Variants in KCNMB2 observed in about 807,000 individuals in gnomAD.
The protein encoded by KCNMB2 is potassium calcium-activated channel subfamily M regulatory beta subunit 2.
A neutral mutation model predicts 24.5 loss-of-function variants in KCNMB2; 9 were observed. That is an observed-to-expected ratio of 0.37 (90% CI 0.22 to 0.64). The LOEUF (loss-of-function observed/expected upper bound fraction) is 0.64. Among genes scored for constraint, KCNMB2 ranks in the 30% least tolerant of loss-of-function variants. The probability of loss-of-function intolerance (pLI) is 0.63; values close to 1 mark genes in which losing one functional copy is unlikely to be tolerated. For synonymous variants in KCNMB2, 109 were observed against 104.4 expected (o/e 1.04, Z -0.27); for missense variants, 226 against 284.3 (o/e 0.79, Z 1.47).
At chr3:178,816,612 A>G (rs1249304162) in intron 2 of KCNMB2, among the ~76,000 whole-genome samples, 1 of 152,104 alleles carries the variant, frequency 6.6e-6, no homozygotes, top group Non-Finnish European at 1.5e-5. Context: ...TTGAAACTAT[A>G]TATTTCTATC....
chr3:178,786,361 A>T (rs1713098260), intron 1 of KCNMB2, among the ~76,000 whole-genome samples: 1 of 152,270 alleles, frequency 6.6e-6, no homozygotes, highest in East Asian at 1.9e-4. Flanking sequence ...ATTAATCATT[A>T]GCTCCCCTTT....
At chr3:178,811,950 G>T (rs904119523) in intron 2 of KCNMB2, among the ~76,000 whole-genome samples, 19 of 152,106 alleles carry the variant, frequency 1.2e-4, no homozygotes, top group African/African-American at 4.6e-4. Flanking sequence ...TTTCTGAGTT[G>T]ACTGTTTAAA....
rs1345433736 is a variant in KCNMB2 at position 178,758,564 on chromosome 3, A to G, written c.-67-48779A>G. On this transcript the variant is annotated intron_variant, in intron 1 of 4. Coordinates refer to ENST00000452583, the MANE Select transcript of KCNMB2 (RefSeq NM_181361.3). ...TATATATATATATCCAAGAGGAGAT[A>G]TATATATATATATATATATATCCAA... Among the ~76,000 whole-genome samples the G allele has an allele frequency of 1.3e-4, 7 of 55,980 alleles. 1 individual carries two copies. In the East Asian group the frequency reaches 3.9e-3, roughly 31 times the overall value. The allele number at this position is 55,980 out of a possible 152,430, so 36.7% of individuals were successfully genotyped here.
chr3:178,675,940 T>A (rs1721056931), intron 1 of KCNMB2, among the ~76,000 whole-genome samples: 1 of 152,180 alleles, frequency 6.6e-6, no homozygotes, highest in Non-Finnish European at 1.5e-5. Context: ...TTTATCAACA[T>A]TATCTCATAA....
chr3:178,758,709 G>GATAT (rs1227255505), intron 1 of KCNMB2, among the ~76,000 whole-genome samples: 15 of 1,402 alleles, frequency 0.011, 1 homozygote, highest in Admixed American at 0.021. Context: ...TACAAGAGGA[G>GATAT]ATATATATAT....
At chr3:178,742,978 T>C (rs1723544338) in intron 1 of KCNMB2, among the ~76,000 whole-genome samples, 1 of 152,140 alleles carries the variant, frequency 6.6e-6, no homozygotes, top group South Asian at 2.1e-4. Context: ...TTGAATGATT[T>C]TTTGAGTCTG....
chr3:178,824,470 C>A (rs2108466752), intron 2 of KCNMB2: 1 of 152,736 alleles, frequency 6.5e-6, no homozygotes, highest in Non-Finnish European at 1.5e-5. Context: ...CAGGTTCACG[C>A]CATTCTCTTG....
At chr3:178,576,467 G>A (rs560460183) in intron 1 of KCNMB2, among the ~76,000 whole-genome samples, 1 of 152,168 alleles carries the variant, frequency 6.6e-6, no homozygotes, top group South Asian at 2.1e-4. Context: ...ATACCCCAGT[G>A]GTGCCTGGAA....
chr3:178,732,350 T>C (rs758021698), intron 1 of KCNMB2, among the ~76,000 whole-genome samples: 2 of 152,210 alleles, frequency 1.3e-5, no homozygotes, highest in Non-Finnish European at 2.9e-5. Flanking sequence ...AAATCAACAC[T>C]TGAAGAACTT....
chr3:178,649,141 G>C (rs191481157), intron 1 of KCNMB2, among the ~76,000 whole-genome samples: 34 of 152,096 alleles, frequency 2.2e-4, no homozygotes, highest in Admixed American at 4.6e-4. Context: ...TAAGTAACTT[G>C]TCTTAGTTTT....
rs1711606135 is a variant in KCNMB2 at position 178,759,489 on chromosome 3, CTCCAAGAGGATATATATATA to C, written c.-67-47851_-67-47832del. Among the ~76,000 whole-genome samples, 35 of 87,226 alleles carry C rather than the reference CTCCAAGAGGATATATATATA, an allele frequency of 4.0e-4. 5 individuals carry two copies. In the South Asian group the frequency reaches 7.2e-3, roughly 18 times the overall value. 57.2% of individuals were successfully genotyped at this position (87,226 alleles called of 152,430 possible). A position where few individuals can be genotyped will look rare whatever the true frequency, so the allele number is the denominator to read the frequency against. On this transcript the variant is annotated intron_variant, in intron 1 of 4. Transcript: ENST00000452583. ...AGAGGATATATATATATATATATAT[CTCCAAGAGGATATATATATA>C]TCTCTCCAAGAGGATATATATACAT...
intron 1 of KCNMB2, among the ~76,000 whole-genome samples, chr3:178,646,845 G>A (rs1719940516): frequency 6.6e-6 from 1 of 152,172 alleles, no homozygotes. Context: ...CAGCTCTACA[G>A]ATAAATCGTC....
At chr3:178,604,286 T>C (rs1057214676) in intron 1 of KCNMB2, among the ~76,000 whole-genome samples, 1 of 151,994 alleles carries the variant, frequency 6.6e-6, no homozygotes, top group Non-Finnish European at 1.5e-5. Flanking sequence ...AAGTCAGATA[T>C]GATCAAGAGA....
chr3:178,659,560 GGGT>G (rs1720454906), intron 1 of KCNMB2, among the ~76,000 whole-genome samples: 1 of 152,116 alleles, frequency 6.6e-6, no homozygotes, highest in Non-Finnish European at 1.5e-5. Flanking sequence ...AAACTTAGAA[GGGT>G]ACATGATTAT....
intron 1 of KCNMB2, among the ~76,000 whole-genome samples, chr3:178,676,625 G>T (rs1419392609): frequency 6.6e-6 from 1 of 152,056 alleles, no homozygotes; most frequent in Non-Finnish European, 1.5e-5. Flanking sequence ...TGTCACCCAG[G>T]TAACGATAAT....
intron 1 of KCNMB2, among the ~76,000 whole-genome samples, chr3:178,689,504 T>TG (rs1218353203): frequency 1.3e-5 from 2 of 151,856 alleles, no homozygotes; most frequent in Admixed American, 1.3e-4. Context: ...GGCGTGGTGG[T>TG]GGGCGCCTGT....
intron 1 of KCNMB2, among the ~76,000 whole-genome samples, chr3:178,694,574 GGTAA>G (rs1721807896): frequency 1.3e-5 from 2 of 152,178 alleles, no homozygotes; most frequent in Admixed American, 1.3e-4. Flanking sequence ...ACAGGCACTG[GGTAA>G]GTACACCCAT....
At chr3:178,640,126 C>T (rs1719669942) in intron 1 of KCNMB2, among the ~76,000 whole-genome samples, 1 of 152,138 alleles carries the variant, frequency 6.6e-6, no homozygotes, top group Admixed American at 6.5e-5. Context: ...CTTTATATAT[C>T]ATGACTTACT....
At chr3:178,765,020 CTTCTT>C (rs962530990) in intron 1 of KCNMB2, among the ~76,000 whole-genome samples, 2 of 152,188 alleles carry the variant, frequency 1.3e-5, no homozygotes, top group African/African-American at 4.8e-5. Context: ...ATTTATTACT[CTTCTT>C]TGATGTCTAG....
Sources: allele counts gnomAD v4.1 joint callset (sites outside exome capture counted in the v4.1 genomes callset), GRCh38; gene constraint gnomAD v4.1.1; transcripts MANE v1.5; gene names NCBI Gene and HGNC (gene_info 2026-07-23, HGNC 2026-07-21).